OTOP1: variants seen among roughly 807,000 people sequenced by gnomAD.
OTOP1 encodes the protein proton channel OTOP1.
Under a neutral mutation model 52.9 loss-of-function variants are expected in OTOP1, and 59 were observed. The ratio of observed to expected loss-of-function variants is 1.12; its 90% confidence interval spans 0.91 to 1.39. OTOP1 has a LOEUF of 1.39. Ranked by LOEUF, OTOP1 falls within the 40% of genes most tolerant of loss-of-function variation. The pLI is 0.00. For missense variants in OTOP1, 761 were observed against 800.9 expected (o/e 0.95, Z 0.60); for synonymous variants, 317 against 337.7 (o/e 0.94, Z 0.67).
chr4:4,211,611 C>T (rs1158800406), intron 2 of OTOP1, among the ~76,000 whole-genome samples: 7 of 152,024 alleles, frequency 4.6e-5, no homozygotes, highest in South Asian at 2.1e-4. Flanking sequence ...CAAAAACAGA[C>T]AGTAGAAGCT....
In OTOP1 at chr4:4,198,070, G is replaced by C. The variant is rs201574696; in HGVS notation, c.764C>G (p.Thr255Arg). Reference protein sequence around the residue: ...LDDHTPQCNCTPPTLCTAISH... With the variant: ...LDDHTPQCNCRPPTLCTAISH... Reference sequence around the variant, plus strand: ...GATGGCAGTGCACAGAGTTGGGGGCGTGCAGTTACACTGCGGTGTGTGGTC... The same window carrying C: ...GATGGCAGTGCACAGAGTTGGGGGCCTGCAGTTACACTGCGGTGTGTGGTC... Residue 255 changes from threonine to arginine, a missense_variant, in exon 5 of 6, where the codon ACG becomes AGG. Transcript: ENST00000296358. The C allele has an allele frequency of 6.2e-7, 1 of 1,613,948 alleles. No homozygotes were observed. Among genetic ancestry groups the C allele is most frequent in the South Asian group, 1.1e-5 (1 of 91,084 alleles).
At chr4:4,191,483 G>A (rs1012711558) in intron 5 of OTOP1, among the ~76,000 whole-genome samples, 4 of 152,070 alleles carry the variant, frequency 2.6e-5, no homozygotes, top group African/African-American at 9.7e-5. Flanking sequence ...AACCACCCAC[G>A]CTTCTCCCCA....
chr4:4,208,445 A>G (rs1716955618), intron 2 of OTOP1, among the ~76,000 whole-genome samples: 1 of 152,200 alleles, frequency 6.6e-6, no homozygotes, highest in Non-Finnish European at 1.5e-5. Context: ...ACTCAACCTT[A>G]AAAAGGAAGA....
At chr4:4,226,323 G>C in intron 1 of OTOP1, 139 bp downstream of exon 1, 2 of 859,464 alleles carry the variant, frequency 2.3e-6, no homozygotes, top group Non-Finnish European at 3.2e-6. Context: ...AGACAGGAAA[G>C]CTAGGAAAGA....
At chr4:4,197,059 G>A (rs1306679911) in intron 5 of OTOP1, 107 bp downstream of exon 5, 31 of 1,198,464 alleles carry the variant, frequency 2.6e-5, no homozygotes, top group Non-Finnish European at 3.6e-5. Flanking sequence ...CCAAACCTCA[G>A]CAACACGCAA....
chr4:4,201,253 C>A (rs1450100618), intron 4 of OTOP1, among the ~76,000 whole-genome samples: 1 of 151,928 alleles, frequency 6.6e-6, no homozygotes, highest in South Asian at 2.1e-4. Context: ...ATAGTGAAAC[C>A]CCGTCTCTAC....
chr4:4,199,984 G>A (rs540508404), intron 4 of OTOP1, among the ~76,000 whole-genome samples: 4 of 152,088 alleles, frequency 2.6e-5, no homozygotes, highest in South Asian at 2.1e-4. Flanking sequence ...AGGTACATGC[G>A]TGTTTGGATT....
At chr4:4,189,035 C>T (rs1297751540) in intron 5 of OTOP1, 62 bp from the exon 6 acceptor site, 4 of 1,511,858 alleles carry the variant, frequency 2.6e-6, no homozygotes, top group Non-Finnish European at 3.6e-6. Flanking sequence ...ACGGAGGCCC[C>T]ACTCAAGTCC....
chr4:4,190,853 C>A (rs923724812), intron 5 of OTOP1, among the ~76,000 whole-genome samples: 1 of 152,098 alleles, frequency 6.6e-6, no homozygotes, highest in Admixed American at 6.5e-5. Context: ...TTTGCTGTGC[C>A]TCTTAATGTT....
At chr4:4,213,825 C>T (rs1171292753) in intron 1 of OTOP1, among the ~76,000 whole-genome samples, 1 of 152,142 alleles carries the variant, frequency 6.6e-6, no homozygotes, top group Non-Finnish European at 1.5e-5. Flanking sequence ...CACAGTGGCT[C>T]ATACCTGTAA....
At chr4:4,221,344 G>A (rs1189333417) in intron 1 of OTOP1, among the ~76,000 whole-genome samples, 1 of 152,114 alleles carries the variant, frequency 6.6e-6, no homozygotes, top group Non-Finnish European at 1.5e-5. Context: ...GAGCTCTTGA[G>A]CCCCAGAATT....
chr4:4,197,048 A>T lies in OTOP1; in HGVS notation c.1668+118T>A, dbSNP rs1716650044. 7 of 1,121,554 alleles carry T rather than the reference A, an allele frequency of 6.2e-6. No homozygotes were observed. In the South Asian group the frequency reaches 1.1e-4, roughly 18 times the overall value. The allele number at this position is 1,121,554 out of a possible 1,614,324, so 69.5% of individuals were successfully genotyped here. A position where few individuals can be genotyped will look rare whatever the true frequency, so the allele number is the denominator to read the frequency against. On this transcript the variant is annotated intron_variant, in intron 5 of 5. Coordinates refer to ENST00000296358, the MANE Select transcript of OTOP1 (RefSeq NM_177998.3). ...ACCTGGGTGATGGGATCATTTGTGC[A>T]CCAAACCTCAGCAACACGCAATTTA...
intron 3 of OTOP1, among the ~76,000 whole-genome samples, chr4:4,203,590 C>T (rs1716836590): frequency 1.3e-5 from 2 of 152,224 alleles, no homozygotes; most frequent in Non-Finnish European, 2.9e-5. Flanking sequence ...GGCGAGAGAT[C>T]CATGGGGAAT....
chr4:4,201,294 G>A (rs58911252), intron 4 of OTOP1, among the ~76,000 whole-genome samples: 2,177 of 152,066 alleles, frequency 0.014, 58 homozygotes, highest in African/African-American at 0.05. Context: ...AGGTGTGGTG[G>A]CACGCACCTG....
intron 2 of OTOP1, among the ~76,000 whole-genome samples, chr4:4,209,036 G>GTAC (rs1268138547): frequency 6.6e-6 from 1 of 152,176 alleles, no homozygotes; most frequent in African/African-American, 2.4e-5. Flanking sequence ...CTGGGCAAGT[G>GTAC]TACTTCCAAG....
At chr4:4,216,973 G>A (rs1449988947) in intron 1 of OTOP1, among the ~76,000 whole-genome samples, 2 of 152,202 alleles carry the variant, frequency 1.3e-5, no homozygotes, top group African/African-American at 4.8e-5. Flanking sequence ...AGCAGGTGTG[G>A]ACGGGGCCCC....
rs148773760 is a variant in OTOP1 at position 4,197,488 on chromosome 4, C to T, written c.1346G>A (p.Arg449Gln). ...GTCCTCAGAGAGTTTTTCAGGCTCT[C>T]GGTGAATGGATTCAAAGATGAAGAG... ...QNLFIFESIH[R>Q]EPEKLSEDIQ... Residue 449 changes from arginine (R) to glutamine (Q), a missense_variant, in exon 5 of 6, where the codon CGA becomes CAA. Transcript: ENST00000296358. 763 of 1,614,018 alleles carry T rather than the reference C, an allele frequency of 4.7e-4. 6 individuals carry two copies. In the African/African-American group the frequency reaches 8.0e-3, roughly 17 times the overall value.
chr4:4,209,724 C>A (rs1356679851), intron 2 of OTOP1, among the ~76,000 whole-genome samples: 1 of 152,134 alleles, frequency 6.6e-6, no homozygotes, highest in African/African-American at 2.4e-5. Flanking sequence ...ACCCACACGG[C>A]CCAGAGAAGT....
intron 2 of OTOP1, among the ~76,000 whole-genome samples, chr4:4,210,453 T>C (rs1717002350): frequency 1.3e-5 from 2 of 152,302 alleles, no homozygotes; most frequent in Admixed American, 6.5e-5. Flanking sequence ...GCCTCTCTCT[T>C]TGGCTTGTAG....
Sources: gnomAD v4.1 joint callset for allele counts (sites outside exome capture counted in the v4.1 genomes callset) on GRCh38, gnomAD v4.1.1 for gene constraint, MANE v1.5 for transcripts, NCBI Gene and HGNC (gene_info 2026-07-23, HGNC 2026-07-21) for gene names.